TGIF1: variants seen among roughly 807,000 people sequenced by gnomAD.
The protein encoded by TGIF1 is homeobox protein TGIF1.
TGIF1 carries 4 observed loss-of-function variants against 19.3 expected under a neutral mutation model. The ratio of observed to expected loss-of-function variants is 0.21; its 90% CI spans 0.10 to 0.47. The LOEUF is 0.47. Among genes scored for constraint, TGIF1 ranks in the 20% least tolerant of loss-of-function variants. The pLI is 0.98. For synonymous variants in TGIF1, 122 were observed against 129.3 expected (o/e 0.94, Z 0.38); for missense variants, 275 against 341.4 (o/e 0.81, Z 1.53).
Position 3,456,964 on chromosome 18 carries a change from G to A in TGIF1, c.243+384G>A. 1.7e-6 allele frequency: 1 copy of A among 574,892 alleles called. No individual in the cohort carries two copies. Among genetic ancestry groups the A allele is most frequent in the Non-Finnish European group, 3.1e-6 (1 of 327,136 alleles). 35.6% of individuals were successfully genotyped at this position (574,892 alleles called of 1,614,324 possible). A position where few individuals can be genotyped will look rare whatever the true frequency, so the allele number is the denominator to read the frequency against. Reference sequence around the variant, plus strand: ...TGGGAAAAATCAGTTACTGGGAGGAGTGGCCCTTTTCATAAGGAGAGGTTT... The same window carrying A: ...TGGGAAAAATCAGTTACTGGGAGGAATGGCCCTTTTCATAAGGAGAGGTTT... On this transcript the variant is annotated intron_variant, in intron 2 of 2. Coordinates refer to ENST00000343820, the MANE Select transcript of TGIF1 (RefSeq NM_003244.4). This position sits in a 1 kb window ranked among gnomAD's most constrained non-coding sequence, Gnocchi z 4.2.
intron 2 of TGIF1, among the ~76,000 whole-genome samples, chr18:3,437,351 G>C (rs144271866): frequency 0.01 from 1,567 of 152,156 alleles, 16 homozygotes; most frequent in Middle Eastern, 0.024. Context: ...CTTGTTTCTA[G>C]CTTAGGCCAC....
chr18:3,451,658 C>T lies in TGIF1; in HGVS notation c.16+1153C>T, dbSNP rs1598897862. ...GGGTAGCCTCAAGGCCAGCGGGGTT[C>T]CTTCGGCTGCGTTTCTGTGGGAGGC... On this transcript the variant is annotated intron_variant, in intron 1 of 2. Coordinates refer to ENST00000343820, the MANE Select transcript of TGIF1 (RefSeq NM_003244.4). The surrounding 1 kb of genome is among the most constrained non-coding windows in gnomAD (Gnocchi z 5.4). The T allele has an allele frequency of 1.0e-5, 12 of 1,149,930 alleles. No individual in the cohort carries two copies. In the East Asian group the frequency reaches 5.1e-4, roughly 49 times the overall value. The allele number at this position is 1,149,930 out of a possible 1,614,324, so 71.2% of individuals were successfully genotyped here. A position where few individuals can be genotyped will look rare whatever the true frequency, so the allele number is the denominator to read the frequency against.
Position 3,457,820 on chromosome 18 carries a change from C to G in TGIF1, c.699C>G (p.Phe233Leu). 4 of 1,613,048 alleles carry G rather than the reference C, an allele frequency of 2.5e-6. No individual in the cohort carries two copies. Among genetic ancestry groups the G allele is most frequent in the Non-Finnish European group, 3.4e-6 (4 of 1,180,014 alleles). The change falls in exon 3 of 3, where the codon TTC becomes TTG. Residue 233 changes from phenylalanine (F) to leucine (L), a missense_variant. By Grantham distance (22) the Phe-to-Leu change is conservative. Transcript: ENST00000343820. The surrounding 1 kb of genome is among the most constrained non-coding windows in gnomAD (Gnocchi z 4.9). ...GPSTNTQSGL[F>L]NTPPPTPPDL... ...GTACGAATACACAGAGTGGTCTTTT[C>G]AACACTCCTCCCCCTACTCCACCGG...
intron 2 of TGIF1, among the ~76,000 whole-genome samples, chr18:3,443,511 G>C (rs1020245904): frequency 6.6e-6 from 1 of 151,870 alleles, no homozygotes; most frequent in African/African-American, 2.4e-5. Context: ...GGCTCTGCAG[G>C]CTCTAACTCT....
upstream of TGIF1, among the ~76,000 whole-genome samples, chr18:3,445,787 A>T (rs1012832982): frequency 1.6e-5 from 2 of 125,250 alleles, no homozygotes; most frequent in Non-Finnish European, 1.7e-5. Flanking sequence ...AAAAAAAAAA[A>T]GCGCAGACAG....
intron 2 of TGIF1, among the ~76,000 whole-genome samples, chr18:3,421,229 C>CTA (rs1337033084): frequency 6.8e-6 from 1 of 147,788 alleles, no homozygotes; most frequent in Admixed American, 6.8e-5. Flanking sequence ...GTTTACTATA[C>CTA]TATATATATA....
chr18:3,426,040 C>T (rs1028495570), intron 2 of TGIF1, among the ~76,000 whole-genome samples: 2 of 151,724 alleles, frequency 1.3e-5, no homozygotes, highest in African/African-American at 2.4e-5. Flanking sequence ...AGTGTTTTTA[C>T]ATGTATCCTT....
At chr18:3,413,724 A>C (rs9945218) in intron 1 of TGIF1, among the ~76,000 whole-genome samples, 111,810 of 151,298 alleles carry the variant, frequency 0.74, 41,486 homozygotes, top group African/African-American at 0.8. Context: ...TCAATTAAAA[A>C]AAAATTTTTT....
chr18:3,444,049 C>T (rs2082709075), intron 2 of TGIF1, among the ~76,000 whole-genome samples: 1 of 151,760 alleles, frequency 6.6e-6, no homozygotes, highest in Admixed American at 6.6e-5. Flanking sequence ...ATTCTCCTGC[C>T]TCAGCCTACC....
upstream of TGIF1, among the ~76,000 whole-genome samples, chr18:3,445,297 G>T (rs923355523): frequency 6.6e-6 from 1 of 152,154 alleles, no homozygotes; most frequent in African/African-American, 2.4e-5. Flanking sequence ...AGTAACAATG[G>T]AAAACCCATT....
intron 2 of TGIF1, among the ~76,000 whole-genome samples, chr18:3,423,725 C>A (rs1050959568): frequency 1.3e-5 from 2 of 151,808 alleles, no homozygotes; most frequent in Non-Finnish European, 2.9e-5. Context: ...TGTGGTGGTG[C>A]ACACTTGCAA....
At chr18:3,438,072 G>A (rs541000559) in intron 2 of TGIF1, among the ~76,000 whole-genome samples, 3 of 151,442 alleles carry the variant, frequency 2.0e-5, no homozygotes, top group South Asian at 2.1e-4. Context: ...TGACAAGAGC[G>A]AAAGTCCGTC....
chr18:3,433,910 A>G (rs1406810347), intron 2 of TGIF1, among the ~76,000 whole-genome samples: 1 of 152,218 alleles, frequency 6.6e-6, no homozygotes, highest in Non-Finnish European at 1.5e-5. Context: ...TGTACCACAT[A>G]TACAAAAAAA....
At chr18:3,452,283 G>A (rs1333793672) in intron 1 of TGIF1, 1 of 1,610,726 alleles carries the variant, frequency 6.2e-7, no homozygotes, top group Non-Finnish European at 8.5e-7. Context: ...GGGGACCAAG[G>A]CTGGGCCCCG....
At chr18:3,415,707 C>A in intron 1 of TGIF1, 1 of 189,856 alleles carries the variant, frequency 5.3e-6, no homozygotes. Flanking sequence ...AAGATTTCGG[C>A]CTTGACTGTG....
At chr18:3,448,717 C>CT (rs869086299), upstream of TGIF1, 4,890 of 255,370 alleles carry the variant, frequency 0.019, 127 homozygotes, top group East Asian at 0.14. Flanking sequence ...GCGGGGGTGT[C>CT]TTTTTTTTTT....
chr18:3,422,289 TA>T (rs2082409596), intron 2 of TGIF1, among the ~76,000 whole-genome samples: 1 of 90,686 alleles, frequency 1.1e-5, no homozygotes, highest in Non-Finnish European at 2.3e-5. Context: ...ACAAAAAGTT[TA>T]AAAAGTAAAA....
chr18:3,445,745 A>G (rs2082734470), upstream of TGIF1, among the ~76,000 whole-genome samples: 1 of 129,708 alleles, frequency 7.7e-6, no homozygotes, highest in African/African-American at 3.1e-5. Flanking sequence ...AAAAAAAAAA[A>G]AAAAAAAAGA....
rs1839064281 is a variant in TGIF1, at chr18:3,459,352, G to GT, written c.*1413dup. 1 of 152,100 alleles carries GT rather than the reference G, an allele frequency of 6.6e-6. No homozygotes were observed. The allele number at this position is 152,100 out of a possible 1,614,324, so 9.4% of individuals were successfully genotyped here. Reference sequence around the variant, plus strand: ...AGAGCTAAACTCAAAGACTTTCCTTGTAAGTGAAAGAAAAAAACTGCTGAT... The same window carrying GT: ...AGAGCTAAACTCAAAGACTTTCCTTGTTAAGTGAAAGAAAAAAACTGCTGAT... On this transcript the variant is annotated 3_prime_UTR_variant, in exon 3 of 3. Transcript: ENST00000343820.
Sources: gnomAD v4.1 joint callset for allele counts (sites outside exome capture counted in the v4.1 genomes callset) on GRCh38, gnomAD v4.1.1 for gene constraint, Gnocchi (gnomAD v3.1) non-coding constraint, MANE v1.5 for transcripts, NCBI Gene and HGNC (gene_info 2026-07-23, HGNC 2026-07-21) for gene names.